Variants in FBN3 observed in about 807,000 individuals in gnomAD.
The protein encoded by FBN3 is fibrillin 3.
Under a neutral mutation model 330.1 loss-of-function variants are expected in FBN3, and 234 were observed. That is an observed-to-expected ratio of 0.71 (90% CI 0.64 to 0.79). FBN3 has a LOEUF of 0.79. Ranked by LOEUF, FBN3 falls within the 30% of genes least tolerant of loss-of-function variation. The pLI is 0.00. For missense variants in FBN3, 3,606 were observed against 3,886.9 expected, an observed-to-expected ratio of 0.93 and a Z score of 1.92; for synonymous variants, 1,458 against 1,517.3, an observed-to-expected ratio of 0.96 and a Z score of 0.91.
intron 56 of FBN3, among the ~76,000 whole-genome samples, chr19:8,083,682 C>T (rs1238642652): frequency 2.0e-5 from 3 of 151,998 alleles, no homozygotes; most frequent in African/African-American, 4.8e-5. Context: ...ACATGATACA[C>T]TAGCCACACA....
chr19:8,117,368 G>T, intron 27 of FBN3, 77 bp from the exon 28 acceptor site: 2 of 1,539,132 alleles, frequency 1.3e-6, no homozygotes, highest in East Asian at 2.5e-5. Flanking sequence ...TTTGGGGGTG[G>T]GAGCAGAGTG....
At chr19:8,127,506 G>A (rs1568435514) in intron 18 of FBN3, among the ~76,000 whole-genome samples, 1 of 152,146 alleles carries the variant, frequency 6.6e-6, no homozygotes, top group Non-Finnish European at 1.5e-5. Flanking sequence ...GACGCTTTCT[G>A]CCTGGAGTTA....
chr19:8,102,604 ACT>A, intron 40 of FBN3, 118 bp downstream of exon 40: 6 of 982,056 alleles, frequency 6.1e-6, no homozygotes, highest in Non-Finnish European at 9.2e-6. Context: ...CAAAACTTCA[ACT>A]CTCTGGCTCT....
At chr19:8,143,407 C>T (rs192573939) in intron 6 of FBN3, among the ~76,000 whole-genome samples, 1 of 151,902 alleles carries the variant, frequency 6.6e-6, no homozygotes, top group Admixed American at 6.6e-5. Flanking sequence ...TTCATCCTGA[C>T]TCCCTCCTTC....
intron 30 of FBN3, among the ~76,000 whole-genome samples, chr19:8,114,523 C>T (rs920194832): frequency 2.0e-5 from 3 of 152,160 alleles, no homozygotes; most frequent in African/African-American, 7.2e-5. Context: ...GCTGGGATTA[C>T]AGGTGTGAGC....
At chr19:8,100,639 G>C (rs953108311) in intron 41 of FBN3, among the ~76,000 whole-genome samples, 1 of 152,074 alleles carries the variant, frequency 6.6e-6, no homozygotes, top group African/African-American at 2.4e-5. Flanking sequence ...TGCATGGCTC[G>C]AATGGTAAAT....
rs1486394611 is a variant in FBN3, at chr19:8,088,152, G to A, written c.6404C>T (p.Pro2135Leu). ...VDTDECSVGH[P>L]CGQGTCTNVI... is the part of the protein sequence containing the mutation. ...ATTGGTGCATGTCCCTTGCCCACAG[G>A]GGTGGCCGACAGAGCACTCGTCTGT... The change falls in exon 52 of 64, where the codon CCC becomes CTC. Residue 2135 changes from proline to leucine, a missense_variant. By Grantham distance (98) the Pro-to-Leu change is moderately conservative. Coordinates refer to ENST00000600128, the MANE Select transcript of FBN3 (RefSeq NM_032447.5). The A allele has an allele frequency of 6.2e-7, 1 of 1,609,854 alleles. No individual in the cohort carries two copies.
intron 10 of FBN3, among the ~76,000 whole-genome samples, chr19:8,137,573 C>G (rs1000896210): frequency 1.3e-5 from 2 of 152,040 alleles, no homozygotes; most frequent in African/African-American, 4.8e-5. Flanking sequence ...ACCCCCACAC[C>G]AGGCCCAAAC....
chr19:8,080,429 C>A (rs2081749165), intron 59 of FBN3, among the ~76,000 whole-genome samples: 1 of 152,150 alleles, frequency 6.6e-6, no homozygotes, highest in Non-Finnish European at 1.5e-5. Flanking sequence ...TCTGGGGAGG[C>A]TCTGGGAGGG....
chr19:8,112,511 G>A (rs533305236), intron 30 of FBN3, among the ~76,000 whole-genome samples: 8 of 152,174 alleles, frequency 5.3e-5, no homozygotes, highest in Admixed American at 2.6e-4. Context: ...TTAGCCAGGC[G>A]TGGTGGCAGG....
At chr19:8,125,496 T>C (rs1342645172) in intron 22 of FBN3, among the ~76,000 whole-genome samples, 2 of 151,630 alleles carry the variant, frequency 1.3e-5, no homozygotes, top group Admixed American at 6.6e-5. Context: ...ATGCCTGAAA[T>C]CTCTCCTGTT....
chr19:8,082,142 CT>C (rs1221176207), intron 57 of FBN3, among the ~76,000 whole-genome samples: 2 of 131,062 alleles, frequency 1.5e-5, no homozygotes, highest in Admixed American at 7.9e-5. Flanking sequence ...TTCTTTTTTT[CT>C]TTTTTTTAGT....
chr19:8,080,763 G>C (rs2081759410), intron 59 of FBN3, among the ~76,000 whole-genome samples: 1 of 152,082 alleles, frequency 6.6e-6, no homozygotes, highest in Non-Finnish European at 1.5e-5. Flanking sequence ...GGGATTACAG[G>C]CACCTGCCAC....
intron 57 of FBN3, among the ~76,000 whole-genome samples, chr19:8,082,450 TC>T (rs1410576269): frequency 7.5e-5 from 9 of 119,214 alleles, no homozygotes; most frequent in Middle Eastern, 3.9e-3. Context: ...CTTCCTTCCT[TC>T]CCTTCCCTTC....
intron 47 of FBN3, among the ~76,000 whole-genome samples, chr19:8,094,189 C>T (rs532893198): frequency 6.6e-6 from 1 of 152,308 alleles, no homozygotes; most frequent in African/African-American, 2.4e-5. Flanking sequence ...CATTTGGGTG[C>T]ACTGAGAAAC....
Position 8,081,404 on chromosome 19 carries a change from G to C in FBN3, c.7290C>G (p.Ser2430Arg), listed in dbSNP as rs767813916. Residue 2430 changes from serine to arginine, a missense_variant, in exon 58 of 64, where the codon AGC (serine) becomes AGG (arginine). Coordinates refer to ENST00000600128, the MANE Select transcript of FBN3 (RefSeq NM_032447.5). ...CCTCCAGCAGGTAGCCTCGGGGACA[G>C]CTGCACAGGAAACTGCCCTTCGTGT... ...CKNTKGSFLC[S>R]CPRGYLLEED... is the part of the protein sequence containing the mutation. The C allele has an allele frequency of 1.4e-5, 22 of 1,612,320 alleles. No individual in the cohort carries two copies. The Admixed American group carries it at 2.7e-4, about 20-fold the overall frequency.
chr19:8,141,632 C>T, intron 8 of FBN3, 85 bp downstream of exon 8: 8 of 1,488,006 alleles, frequency 5.4e-6, no homozygotes, highest in Non-Finnish European at 7.3e-6. Context: ...CAGCCTGACC[C>T]CTCTGCCTTC....
At chr19:8,102,621 A>T in intron 40 of FBN3, 103 bp downstream of exon 40, 1 of 1,174,144 alleles carries the variant, frequency 8.5e-7, no homozygotes, top group Non-Finnish European at 1.2e-6. Context: ...GGCTCTCATC[A>T]GAACAAGGAG....
rs1479710980 is a variant in FBN3 at position 8,101,055 on chromosome 19, C to CT, written c.5090-84dup. 11 of 1,156,748 alleles carry CT rather than the reference C, an allele frequency of 9.5e-6. No homozygotes were observed. The East Asian group carries it at 2.8e-4, about 30-fold the overall frequency. 71.7% of individuals were successfully genotyped at this position (1,156,748 alleles called of 1,614,324 possible). The stretch of plus-strand genomic sequence containing the variant: ...CCAATCTGGAGGGGACACCTCATCC[C>CT]TGGAGCCCAGCCCTCACCTGGCCAC... On this transcript the variant is annotated intron_variant, in intron 40 of 63. Transcript: ENST00000600128.
Sources: allele counts gnomAD v4.1 joint callset (sites outside exome capture counted in the v4.1 genomes callset), GRCh38; gene constraint gnomAD v4.1.1; transcripts MANE v1.5; gene names NCBI Gene and HGNC (gene_info 2026-07-23, HGNC 2026-07-21).